Variants in MLLT10 observed in about 807,000 individuals in gnomAD.
MLLT10 encodes the protein MLLT10 histone lysine methyltransferase DOT1L cofactor.
In MLLT10, 30 loss-of-function variants were observed where a neutral mutation model predicts 129.1. The observed-to-expected ratio is 0.23, with a 90% confidence interval of 0.17 to 0.32. The LOEUF is 0.32. Ranked by LOEUF, MLLT10 falls within the 10% of genes least tolerant of loss-of-function variation. MLLT10 has a pLI of 1.00. For missense variants in MLLT10, 1,119 were observed against 1,268.3 expected, an observed-to-expected ratio of 0.88 and a Z score of 1.79; for synonymous variants, 490 against 446.4, an observed-to-expected ratio of 1.10 and a Z score of -1.23.
chr10:21,696,119 T>C (rs2054337376), intron 13 of MLLT10, among the ~76,000 whole-genome samples: 1 of 152,110 alleles, frequency 6.6e-6, no homozygotes, highest in Non-Finnish European at 1.5e-5. Context: ...TCATACATTA[T>C]TGAGACAGGC....
chr10:21,742,153 TTGC>T lies in MLLT10; in HGVS notation c.*172_*174del. On this transcript the variant is annotated 3_prime_UTR_variant, in exon 23 of 23. Coordinates refer to ENST00000307729, the MANE Select transcript of MLLT10 (RefSeq NM_001195626.3). ...TGTAAGGCTTTGATTAGTTTTCTTGTTGCTTTGTTGCACTGAAATGGAATTCCC... is the reference window on the plus strand; with the variant it reads ...TGTAAGGCTTTGATTAGTTTTCTTGTTTTGTTGCACTGAAATGGAATTCCC... 3.4e-6 allele frequency: 2 copies of T among 589,702 alleles called. No individual in the cohort carries two copies. Among genetic ancestry groups the T allele is most frequent in the Non-Finnish European group, 5.7e-6 (2 of 349,248 alleles). The allele number at this position is 589,702 out of a possible 1,614,324, so 36.5% of individuals were successfully genotyped here.
chr10:21,717,810 T>TCTC (rs1554864581), intron 14 of MLLT10, among the ~76,000 whole-genome samples: 3 of 88,010 alleles, frequency 3.4e-5, no homozygotes, highest in Admixed American at 1.2e-4. Flanking sequence ...TCCTTCTTCT[T>TCTC]CTCCTTCTTC....
At position 21,568,061 on chromosome 10, in the gene MLLT10, AC is replaced by A. The variant is rs1261801550; in HGVS notation, c.241-18230del. Among the ~76,000 whole-genome samples, 4 of 151,920 alleles carry A rather than the reference AC, an allele frequency of 2.6e-5. No homozygotes were observed. The South Asian group carries it at 6.2e-4, about 24-fold the overall frequency. ...TCCAACTCCTGACCTCTGGTGATCC[AC>A]CCGCCTTGGCCTCCCAAGGTGCTGG... is the stretch of plus-strand genomic sequence containing the variant. On this transcript the variant is annotated intron_variant, in intron 3 of 22. Transcript: ENST00000307729.
intron 8 of MLLT10, among the ~76,000 whole-genome samples, chr10:21,618,433 A>G (rs1388193754): frequency 6.6e-6 from 1 of 151,912 alleles, no homozygotes; most frequent in East Asian, 2.0e-4. Flanking sequence ...TGAACCCAGG[A>G]GGCAGAGATT....
chr10:21,718,854 C>T (rs767980868), intron 14 of MLLT10, among the ~76,000 whole-genome samples: 2 of 152,054 alleles, frequency 1.3e-5, no homozygotes, highest in Non-Finnish European at 2.9e-5. Flanking sequence ...CTCCTGAGTA[C>T]CTGGGACTAC....
intron 3 of MLLT10, among the ~76,000 whole-genome samples, chr10:21,561,847 C>T (rs1207262912): frequency 6.6e-6 from 1 of 151,804 alleles, no homozygotes; most frequent in Non-Finnish European, 1.5e-5. Context: ...CTCTTGTTGC[C>T]CAGGCTGGAG....
At chr10:21,718,443 T>C (rs2056904144) in intron 14 of MLLT10, among the ~76,000 whole-genome samples, 1 of 152,160 alleles carries the variant, frequency 6.6e-6, no homozygotes, top group African/African-American at 2.4e-5. Context: ...GTACTGTCTT[T>C]GGGAGAATGC....
At chr10:21,736,379 G>T (rs993011159) in intron 21 of MLLT10, among the ~76,000 whole-genome samples, 1 of 152,172 alleles carries the variant, frequency 6.6e-6, no homozygotes, top group Non-Finnish European at 1.5e-5. Context: ...CCATCTCCTG[G>T]GCTCAAGTGA....
At chr10:21,717,909 C>CCTCCTCCTCCTCCTT (rs2056853701) in intron 14 of MLLT10, among the ~76,000 whole-genome samples, 1 of 144,328 alleles carries the variant, frequency 6.9e-6, no homozygotes, top group African/African-American at 2.7e-5. Flanking sequence ...TCCTCCTCCT[C>CCTCCTCCTCCTCCTT]CTTCTCCTTC....
At chr10:21,718,422 G>T (rs1241452597) in intron 14 of MLLT10, among the ~76,000 whole-genome samples, 2 of 152,036 alleles carry the variant, frequency 1.3e-5, no homozygotes, top group Admixed American at 6.5e-5. Flanking sequence ...TCCTAGTTCT[G>T]CAGTCATTCT....
chr10:21,539,045 A>G, intron 3 of MLLT10, 133 bp downstream of exon 3: 2 of 565,646 alleles, frequency 3.5e-6, no homozygotes, highest in Non-Finnish European at 6.2e-6. Flanking sequence ...ATTTAGGCCA[A>G]ATATTGACTT....
intron 4 of MLLT10, among the ~76,000 whole-genome samples, chr10:21,590,967 T>C (rs959834067): frequency 1.3e-5 from 2 of 152,248 alleles, no homozygotes; most frequent in African/African-American, 4.8e-5. Context: ...ATTTTAGATA[T>C]TCTTTTCTAA....
rs1283925170 is a variant in MLLT10, at chr10:21,538,837, C to T, written c.165C>T (p.Cys55=). Residue 55 remains cysteine, a synonymous_variant, in exon 3 of 23, where the codon TGC becomes TGT. Transcript: ENST00000307729. ...ACACATTTCATTTTTCAACAGCTTGCTATGGCATTGTTCAAGTACCCACTG... is the reference window on the plus strand; with the variant it reads ...ACACATTTCATTTTTCAACAGCTTGTTATGGCATTGTTCAAGTACCCACTG... ...HGCSVAVHQA[C]YGIVQVPTGP... 6.2e-7 allele frequency: 1 copy of T among 1,609,976 alleles called. No homozygotes were observed. Among genetic ancestry groups the T allele is most frequent in the African/African-American group, 1.3e-5 (1 of 74,906 alleles).
At chr10:21,694,965 G>A (rs1392287599) in intron 13 of MLLT10, among the ~76,000 whole-genome samples, 1 of 151,720 alleles carries the variant, frequency 6.6e-6, no homozygotes, top group African/African-American at 2.4e-5. Flanking sequence ...GCAATGATGA[G>A]TTGAATCCTT....
At chr10:21,567,587 C>G (rs562092719) in intron 3 of MLLT10, among the ~76,000 whole-genome samples, 2 of 152,176 alleles carry the variant, frequency 1.3e-5, no homozygotes, top group Admixed American at 6.5e-5. Flanking sequence ...GTTCCAATCC[C>G]CTGCTTAATT....
chr10:21,673,463 C>T lies in MLLT10; in HGVS notation c.1165C>T (p.His389Tyr). The T allele has an allele frequency of 6.2e-6, 10 of 1,613,726 alleles. No homozygotes were observed. The highest frequency in any genetic ancestry group is 8.5e-6 in the Non-Finnish European group (10 of 1,179,914). ...DSDLRNDSYS[H>Y]SQQSSATKDV... The stretch of plus-strand genomic sequence containing the variant: ...AGATCTGCGTAATGACAGTTACTCT[C>T]ACTCCCAACAGTCATCAGCAACCAA... Residue 389 changes from histidine to tyrosine, a missense_variant, in exon 11 of 23, where the codon CAC becomes TAC. Coordinates refer to ENST00000307729, the MANE Select transcript of MLLT10 (RefSeq NM_001195626.3).
intron 13 of MLLT10, among the ~76,000 whole-genome samples, chr10:21,712,203 C>CATTCATTTATTTATTTATTT (rs1554860633): frequency 1.3e-5 from 2 of 150,132 alleles, no homozygotes; most frequent in Admixed American, 6.6e-5. Flanking sequence ...TCAATAACTT[C>CATTCATTTATTTATTTATTT]ATTTATTTAT....
intron 8 of MLLT10, among the ~76,000 whole-genome samples, chr10:21,628,025 C>T (rs1400777700): frequency 2.0e-5 from 3 of 152,190 alleles, no homozygotes; most frequent in Non-Finnish European, 4.4e-5. Context: ...ACCTTTTTCT[C>T]ACTTTGGTTT....
intron 2 of MLLT10, among the ~76,000 whole-genome samples, chr10:21,535,066 C>CGGCGGGGCGG (rs922835427): frequency 2.4e-5 from 3 of 127,028 alleles, no homozygotes; most frequent in African/African-American, 8.5e-5. Flanking sequence ...TCTGCTGACT[C>CGGCGGGGCGG]GGCGGGGCGG....
Sources: gnomAD v4.1 joint callset for allele counts (sites outside exome capture counted in the v4.1 genomes callset) on GRCh38, gnomAD v4.1.1 for gene constraint, MANE v1.5 for transcripts, NCBI Gene and HGNC (gene_info 2026-07-23, HGNC 2026-07-21) for gene names.